The following LARGE1 variants were observed in gnomAD, a reference collection of about 807,000 sequenced individuals.
LARGE1 encodes the protein xylosyl- and glucuronyltransferase LARGE1.
Under a neutral mutation model 87.6 loss-of-function variants are expected in LARGE1, and 43 were observed. That is an observed-to-expected ratio of 0.49 (90% CI 0.38 to 0.63). LARGE1 has a LOEUF of 0.63. Ranked by LOEUF, LARGE1 falls within the 30% of genes least tolerant of loss-of-function variation. The probability of loss-of-function intolerance (pLI) is 0.00; values close to 1 mark genes in which losing one functional copy is unlikely to be tolerated. For missense variants in LARGE1, 802 were observed against 1,000.2 expected (o/e 0.80, Z 2.67); for synonymous variants, 434 against 394.6 (o/e 1.10, Z -1.18).
At chr22:33,878,895 A>G (rs1290663893) in intron 1 of LARGE1, among the ~76,000 whole-genome samples, 1 of 152,146 alleles carries the variant, frequency 6.6e-6, no homozygotes, top group African/African-American at 2.4e-5. Context: ...TTGCAGAGAT[A>G]TCATCAGGAT....
chr22:33,702,756 G>C (rs2082437452), intron 2 of LARGE1, among the ~76,000 whole-genome samples: 1 of 152,186 alleles, frequency 6.6e-6, no homozygotes, highest in Non-Finnish European at 1.5e-5. Context: ...AAGGACTACA[G>C]AGGCAAGAAA....
intron 6 of LARGE1, among the ~76,000 whole-genome samples, chr22:33,550,216 G>A (rs570752722): frequency 4.0e-5 from 6 of 151,722 alleles, no homozygotes; most frequent in Admixed American, 3.9e-4. Flanking sequence ...TATAGAAGTT[G>A]TGGAAGGTTT....
chr22:33,755,174 G>A (rs1271203028), intron 2 of LARGE1, among the ~76,000 whole-genome samples: 1 of 152,128 alleles, frequency 6.6e-6, no homozygotes, highest in Non-Finnish European at 1.5e-5. Context: ...CATTTCAGAG[G>A]GGGTTCATGT....
intron 7 of LARGE1, among the ~76,000 whole-genome samples, chr22:33,415,297 G>C (rs577422023): frequency 6.6e-6 from 1 of 152,342 alleles, no homozygotes; most frequent in South Asian, 2.1e-4. Context: ...GGAAAACCAT[G>C]GAGTGGTGTT....
chr22:33,818,861 A>G (rs1253091024), intron 1 of LARGE1, among the ~76,000 whole-genome samples: 2 of 152,120 alleles, frequency 1.3e-5, no homozygotes, highest in Non-Finnish European at 2.9e-5. Context: ...GACTTCCCCC[A>G]CCTTCAGGAA....
exon 12 of LARGE1, chr22:33,162,884 A>T (rs1345229616): frequency 6.6e-6 from 1 of 152,204 alleles, no homozygotes; most frequent in Non-Finnish European, 1.5e-5. Context: ...TAACACTTGG[A>T]CGTGTATGCT....
At chr22:33,228,043 C>A (rs185578603) in intron 11 of LARGE1, among the ~76,000 whole-genome samples, 26 of 152,348 alleles carry the variant, frequency 1.7e-4, no homozygotes, top group Admixed American at 7.2e-4. Context: ...TAAGTGCTCA[C>A]TTAAATAAGC....
chr22:33,782,537 G>A (rs5754669), intron 1 of LARGE1, among the ~76,000 whole-genome samples: 3 of 152,256 alleles, frequency 2.0e-5, no homozygotes, highest in Admixed American at 6.5e-5. Flanking sequence ...TGAAGAGTCA[G>A]GGCTTCATCA....
intron 1 of LARGE1, among the ~76,000 whole-genome samples, chr22:33,812,384 G>A (rs1051461500): frequency 9.8e-5 from 15 of 152,316 alleles, no homozygotes; most frequent in Admixed American, 8.5e-4. Context: ...TTTTTGACAT[G>A]TAATGTCTTC....
chr22:33,471,032 T>C (rs189476222), intron 6 of LARGE1, among the ~76,000 whole-genome samples: 4,729 of 142,212 alleles, frequency 0.033, 101 homozygotes, highest in Middle Eastern at 0.054. Context: ...TCTTCTTCTT[T>C]TTTTTTTTTT....
intron 11 of LARGE1, among the ~76,000 whole-genome samples, chr22:33,223,713 T>A (rs1462628347): frequency 6.6e-6 from 1 of 152,172 alleles, no homozygotes; most frequent in East Asian, 1.9e-4. Flanking sequence ...TGTCAATGAC[T>A]CGGTTTAGAC....
intron 11 of LARGE1, among the ~76,000 whole-genome samples, chr22:33,308,867 T>C (rs373008441): frequency 1.8e-4 from 27 of 152,194 alleles, no homozygotes; most frequent in African/African-American, 6.0e-4. Context: ...TTACTTGGAT[T>C]TGAGGGTTAA....
At position 33,411,955 on chromosome 22, in the gene LARGE1, C is replaced by G. The variant is rs61291085; in HGVS notation, c.892+20206G>C. On this transcript the variant is annotated intron_variant, in intron 7 of 14. Transcript: ENST00000397394. ...GGAAAGCAGAAGTCAAGACTGCAAA[C>G]TGTCAACAGTACTTACTTTCAGGGA... Among the ~76,000 whole-genome samples, 647 of 152,316 alleles carry G rather than the reference C, an allele frequency of 4.2e-3. 7 individuals carry two copies. Among genetic ancestry groups the G allele is most frequent in the African/African-American group, 0.015 (615 of 41,566 alleles).
At chr22:33,682,019 T>C (rs548092039) in intron 2 of LARGE1, among the ~76,000 whole-genome samples, 2 of 152,258 alleles carry the variant, frequency 1.3e-5, no homozygotes, top group East Asian at 1.9e-4. Flanking sequence ...CGCAAAGTGG[T>C]TGGGTGCTCT....
intron 11 of LARGE1, among the ~76,000 whole-genome samples, chr22:33,311,705 A>T (rs1172146135): frequency 6.6e-6 from 1 of 152,160 alleles, no homozygotes; most frequent in African/African-American, 2.4e-5. Context: ...CTTTTCTACT[A>T]CATCACTTTA....
intron 6 of LARGE1, among the ~76,000 whole-genome samples, chr22:33,435,256 C>G (rs1158622172): frequency 6.6e-6 from 1 of 152,168 alleles, no homozygotes; most frequent in Non-Finnish European, 1.5e-5. Flanking sequence ...CCCACCGCAG[C>G]CTCCCAAAGT....
chr22:33,744,459 C>A (rs16992940), intron 2 of LARGE1: 12,252 of 152,362 alleles, frequency 0.08, 506 homozygotes, highest in African/African-American at 0.1. Flanking sequence ...GGATGCCTGG[C>A]GTACCTGGGA....
chr22:33,364,053 CTA>C (rs1214877929), intron 9 of LARGE1, among the ~76,000 whole-genome samples: 2 of 126,996 alleles, frequency 1.6e-5, no homozygotes, highest in Non-Finnish European at 3.1e-5. Context: ...TGCATCTTTG[CTA>C]TATATTTTTT....
chr22:33,183,673 G>T (rs79966376), intron 11 of LARGE1, among the ~76,000 whole-genome samples: 1 of 147,662 alleles, frequency 6.8e-6, no homozygotes, highest in African/African-American at 2.6e-5. Context: ...CCATAAAAAA[G>T]AAGGAAATTT....
Sources: allele counts gnomAD v4.1 joint callset (sites outside exome capture counted in the v4.1 genomes callset), GRCh38; gene constraint gnomAD v4.1.1; transcripts MANE v1.5; gene names NCBI Gene and HGNC (gene_info 2026-07-23, HGNC 2026-07-21).